AVL9: variants seen among roughly 807,000 people sequenced by gnomAD.
AVL9 encodes the protein AVL9 cell migration associated.
AVL9 carries 49 observed loss-of-function variants against 79.2 expected under a neutral mutation model. The observed-to-expected ratio is 0.62, with a 90% CI of 0.49 to 0.79. The LOEUF is 0.79. Among genes scored for constraint, AVL9 ranks in the 30% least tolerant of loss-of-function variants. AVL9 has a pLI of 0.00. For synonymous variants in AVL9, 299 were observed against 280.6 expected (o/e 1.07, Z -0.65); for missense variants, 682 against 776.8 (o/e 0.88, Z 1.45).
In AVL9 at chr7:32,552,312, C is replaced by T; in HGVS notation, c.529+17C>T. 1 of 1,540,664 alleles carries T rather than the reference C, an allele frequency of 6.5e-7. No homozygotes were observed. The highest frequency in any genetic ancestry group is 8.9e-7 in the Non-Finnish European group (1 of 1,117,908). ...TATATCTTGGTAAGTAACTGACTTA[C>T]AAGTTAAAAGAGATCCCCTCATTTC... On this transcript the variant is annotated intron_variant, in intron 6 of 15. Coordinates refer to ENST00000318709, the MANE Select transcript of AVL9 (RefSeq NM_015060.3).
intron 10 of AVL9, among the ~76,000 whole-genome samples, chr7:32,560,255 AT>A (rs1331907248): frequency 8.3e-5 from 6 of 72,688 alleles, no homozygotes; most frequent in African/African-American, 1.6e-4. Context: ...TTTAATAATT[AT>A]TTTAAAAAAA....
At chr7:32,548,144 C>CTGTCTTT (rs1227025763) in intron 3 of AVL9, among the ~76,000 whole-genome samples, 2 of 57,598 alleles carry the variant, frequency 3.5e-5, no homozygotes, top group African/African-American at 1.1e-4. Flanking sequence ...TTTGTCATCT[C>CTGTCTTT]TTTTTTCTTT....
rs1790177268 is a variant in AVL9 at position 32,558,378 on chromosome 7, G to A, written c.610-181G>A. 2.0e-5 allele frequency among the ~76,000 whole-genome samples: 3 copies of A among 151,878 alleles called. No homozygotes were observed. The South Asian group carries it at 6.2e-4, about 31-fold the overall frequency. ...TCACCATGTTGGCCAGGATGGTCTC[G>A]ATCTCCTGACCTCGTGATCCACCCA... On this transcript the variant is annotated intron_variant, in intron 8 of 15. Coordinates refer to ENST00000318709, the MANE Select transcript of AVL9 (RefSeq NM_015060.3).
chr7:32,521,233 T>C (rs1393620577), intron 1 of AVL9, among the ~76,000 whole-genome samples: 3 of 152,152 alleles, frequency 2.0e-5, no homozygotes, highest in African/African-American at 7.2e-5. Flanking sequence ...ACTTTGGAAC[T>C]GGGTAACAGG....
At chr7:32,582,832 G>A (rs1791574934) in intron 15 of AVL9, among the ~76,000 whole-genome samples, 1 of 152,160 alleles carries the variant, frequency 6.6e-6, no homozygotes, top group African/African-American at 2.4e-5. Flanking sequence ...CTACAGGCAT[G>A]TGCCATCATG....
rs3079799 is a variant in AVL9 at position 32,557,853 on chromosome 7, C to CTTTTTTTT, written c.610-693_610-686dup. Among the ~76,000 whole-genome samples the CTTTTTTTT allele has an allele frequency of 5.5e-4, 40 of 73,250 alleles. 1 individual carries two copies. Among genetic ancestry groups the CTTTTTTTT allele is most frequent in the African/African-American group, 7.7e-4 (15 of 19,410 alleles). 48.1% of individuals were successfully genotyped at this position (73,250 alleles called of 152,430 possible). ...ACTTCTATGTTTATTAGCTGTTACT[C>CTTTTTTTT]TTTTTTTTTTTTTTTTTTTTGAGAC... On this transcript the variant is annotated intron_variant, in intron 8 of 15. Coordinates refer to ENST00000318709, the MANE Select transcript of AVL9 (RefSeq NM_015060.3).
At chr7:32,548,751 A>C in intron 3 of AVL9, 96 bp from the exon 4 acceptor site, 1 of 835,750 alleles carries the variant, frequency 1.2e-6, no homozygotes, top group Non-Finnish European at 1.8e-6. Flanking sequence ...GAATGTAAGA[A>C]ATTTCTTATA....
intron 1 of AVL9, among the ~76,000 whole-genome samples, chr7:32,523,150 C>CAAAAAAAAAAA (rs59565422): frequency 9.8e-5 from 8 of 81,240 alleles, no homozygotes; most frequent in African/African-American, 1.4e-4. Context: ...GGTAATTAAC[C>CAAAAAAAAAAA]AAAAAAAAAA....
intron 1 of AVL9, chr7:32,538,389 G>T (rs1397457817): frequency 6.6e-6 from 1 of 152,180 alleles, no homozygotes; most frequent in East Asian, 1.9e-4. Context: ...AGTAGAGGTA[G>T]TATGCTCCAC....
chr7:32,542,161 G>A (rs1161472526), intron 1 of AVL9, among the ~76,000 whole-genome samples: 1 of 148,108 alleles, frequency 6.8e-6, no homozygotes, highest in African/African-American at 2.5e-5. Flanking sequence ...TATCAAGGGT[G>A]GGAGGCAGTC....
chr7:32,533,256 A>C (rs1788749812), intron 1 of AVL9: 1 of 152,228 alleles, frequency 6.6e-6, no homozygotes, highest in Non-Finnish European at 1.5e-5. Context: ...TCTGTGAGCC[A>C]AGAGCATGCC....
intron 10 of AVL9, among the ~76,000 whole-genome samples, chr7:32,565,963 G>A (rs1163299444): frequency 1.4e-4 from 18 of 131,736 alleles, no homozygotes; most frequent in Non-Finnish European, 2.2e-4. Context: ...AGCCAAGATC[G>A]TGCCACTGCA....
intron 1 of AVL9, among the ~76,000 whole-genome samples, chr7:32,540,477 T>A (rs1789129258): frequency 6.6e-6 from 1 of 152,156 alleles, no homozygotes; most frequent in African/African-American, 2.4e-5. Context: ...GCAAAGAAAT[T>A]CTTTCATTAA....
At chr7:32,497,317 T>C (rs996447534) in intron 1 of AVL9, among the ~76,000 whole-genome samples, 2 of 152,194 alleles carry the variant, frequency 1.3e-5, no homozygotes, top group African/African-American at 4.8e-5. Flanking sequence ...ATCACGCCAT[T>C]GCACTCCAGC....
chr7:32,555,658 CA>C (rs1255107453), intron 8 of AVL9, among the ~76,000 whole-genome samples: 4 of 152,150 alleles, frequency 2.6e-5, no homozygotes, highest in Middle Eastern at 3.2e-3. Flanking sequence ...GCCCGCAAAG[CA>C]AAAATATTTA....
chr7:32,576,069 C>G lies in AVL9; in HGVS notation c.1685C>G (p.Pro562Arg). ...NKHPALAEIN[P>R]NHPFQGQYSV... ...CATCCAGCACTTGCAGAAATAAATC[C>G]AAAGTAAGCGCGTCCTCTGAAGATT... The change falls in exon 13 of 16, where the codon CCA (proline) becomes CGA (arginine). Residue 562 changes from proline to arginine, a missense_variant. Physicochemically the swap from Pro to Arg is moderately radical, Grantham distance 103 (BLOSUM62 -2). Transcript: ENST00000318709. 1 of 1,606,976 alleles carries G rather than the reference C, an allele frequency of 6.2e-7. No individual in the cohort carries two copies. The highest frequency in any genetic ancestry group is 8.5e-7 in the Non-Finnish European group (1 of 1,173,606).
In AVL9 at chr7:32,552,215, T is replaced by C; in HGVS notation, c.463-14T>C. ...TGATAGTAAAATGTGCTAAATTCAATCTATATTTTATAGGAGCTTTATGAA... is the reference window on the plus strand; with the variant it reads ...TGATAGTAAAATGTGCTAAATTCAACCTATATTTTATAGGAGCTTTATGAA... On this transcript the variant is annotated splice_polypyrimidine_tract_variant and intron_variant, in intron 5 of 15. Coordinates refer to ENST00000318709, the MANE Select transcript of AVL9 (RefSeq NM_015060.3). 1 of 1,511,938 alleles carries C rather than the reference T, an allele frequency of 6.6e-7. No individual in the cohort carries two copies. Among genetic ancestry groups the C allele is most frequent in the Non-Finnish European group, 9.2e-7 (1 of 1,091,786 alleles). 93.7% of individuals were successfully genotyped at this position (1,511,938 alleles called of 1,614,324 possible).
chr7:32,548,154 T>TTGTTTTCTTTTTGTTTTTTTTG (rs775974010), intron 3 of AVL9, among the ~76,000 whole-genome samples: 1 of 146,176 alleles, frequency 6.8e-6, no homozygotes, highest in African/African-American at 2.5e-5. Flanking sequence ...CTTTTTTCTT[T>TTGTTTTCTTTTTGTTTTTTTTG]TTTTTTTTTT....
intron 1 of AVL9, among the ~76,000 whole-genome samples, chr7:32,508,199 T>C (rs1287777972): frequency 6.6e-6 from 1 of 152,236 alleles, no homozygotes; most frequent in Non-Finnish European, 1.5e-5. Flanking sequence ...GTGTCTTTTT[T>C]ACACCATAAT....
Sources: allele counts gnomAD v4.1 joint callset (sites outside exome capture counted in the v4.1 genomes callset), GRCh38; gene constraint gnomAD v4.1.1; transcripts MANE v1.5; gene names NCBI Gene and HGNC (gene_info 2026-07-23, HGNC 2026-07-21).